Variants in PRDM14 observed in about 807,000 individuals in gnomAD.
The protein encoded by PRDM14 is PR domain zinc finger protein 14.
PRDM14 carries 16 observed loss-of-function variants against 48.0 expected under a neutral mutation model. That is an observed-to-expected ratio of 0.33 (90% CI 0.23 to 0.51). The LOEUF (loss-of-function observed/expected upper bound fraction) is 0.51. Ranked by LOEUF, PRDM14 falls within the 20% of genes least tolerant of loss-of-function variation. The pLI, the probability that PRDM14 is intolerant of heterozygous loss-of-function variation, is 0.97. For missense variants in PRDM14, 566 were observed against 719.6 expected, an observed-to-expected ratio of 0.79 and a Z score of 2.44; for synonymous variants, 264 against 276.6, an observed-to-expected ratio of 0.95 and a Z score of 0.45.
In PRDM14 at chr8:70,069,878, G is replaced by C. The variant is rs570957880; in HGVS notation, c.-18C>G. On this transcript the variant is annotated 5_prime_UTR_variant, in exon 2 of 8. Coordinates refer to ENST00000276594, the MANE Select transcript of PRDM14 (RefSeq NM_024504.4). ...AGAGCCATCCCGGGACCGCACGCTC[G>C]GCGGCTCTGCAGAAAAGCGGGCGCC... 36 of 1,552,310 alleles carry C rather than the reference G, an allele frequency of 2.3e-5. No individual in the cohort carries two copies. In the East Asian group the frequency reaches 6.0e-4, roughly 26 times the overall value.
At position 70,063,140 on chromosome 8, in the gene PRDM14, T is replaced by C. The variant is rs144081441; in HGVS notation, c.1183+3095A>G. Among the ~76,000 whole-genome samples, 848 of 151,976 alleles carry C rather than the reference T, an allele frequency of 5.6e-3. 5 individuals are homozygous for C. Among genetic ancestry groups the C allele is most frequent in the African/African-American group, 0.02 (814 of 41,434 alleles). Reference sequence around the variant, plus strand: ...TAATTTGATACATACGGTGAAAAAATTTCTCAAAAATGGCCGGCCATGGTG... The same window carrying C: ...TAATTTGATACATACGGTGAAAAAACTTCTCAAAAATGGCCGGCCATGGTG... On this transcript the variant is annotated intron_variant, in intron 5 of 7. Coordinates refer to ENST00000276594, the MANE Select transcript of PRDM14 (RefSeq NM_024504.4).
Position 70,069,530 on chromosome 8 carries a change from C to T in PRDM14, c.331G>A (p.Val111Met). Reference sequence around the variant, plus strand: ...TGGCTGCTGCTCAGGAAGGGCGGCACTTCCCTGGGGACGTGGGGAATTGGG... The same window carrying T: ...TGGCTGCTGCTCAGGAAGGGCGGCATTTCCCTGGGGACGTGGGGAATTGGG... ...WYPIPHVPRE[V>M]PPFLSSSHEY... Residue 111 changes from valine (V) to methionine (M), a missense_variant, in exon 2 of 8, where the codon GTG becomes ATG. Physicochemically the swap from Val to Met is conservative, Grantham distance 21 (BLOSUM62 1). Around this residue, in one of 3 missense-constraint regions of PRDM14, gnomAD observed 410 missense variants for 424.6 expected, o/e 0.97. Transcript: ENST00000276594. The T allele has an allele frequency of 6.2e-7, 1 of 1,606,538 alleles. No individual in the cohort carries two copies. Among genetic ancestry groups the T allele is most frequent in the South Asian group, 1.1e-5 (1 of 89,878 alleles).
rs751731521 is a variant in PRDM14 at position 70,067,531 on chromosome 8, C to CA, written c.912+698dup. On this transcript the variant is annotated intron_variant, in intron 4 of 7. Transcript: ENST00000276594. ...AAACTCCGTCTCAAGAAAAAAAAAA[C>CA]AAAAAAAAAAAAACAAAGAAAGATT... Among the ~76,000 whole-genome samples, 1,105 of 129,924 alleles carry CA rather than the reference C, an allele frequency of 8.5e-3. 4 individuals are homozygous for CA. Among genetic ancestry groups the CA allele is most frequent in the South Asian group, 0.03 (124 of 4,070 alleles). 85.2% of individuals were successfully genotyped at this position (129,924 alleles called of 152,430 possible).
chr8:70,063,085 A>G (rs1406353558), intron 5 of PRDM14, among the ~76,000 whole-genome samples: 1 of 152,182 alleles, frequency 6.6e-6, no homozygotes, highest in Non-Finnish European at 1.5e-5. Flanking sequence ...GAAGAGTATT[A>G]CTGAGACATC....
intron 5 of PRDM14, among the ~76,000 whole-genome samples, chr8:70,063,719 C>T (rs1204136389): frequency 6.6e-6 from 1 of 152,126 alleles, no homozygotes; most frequent in Non-Finnish European, 1.5e-5. Context: ...GACGGAGTTT[C>T]ACCATGTTGG....
chr8:70,054,337 G>A (rs1480278381), intron 7 of PRDM14, among the ~76,000 whole-genome samples: 1 of 152,092 alleles, frequency 6.6e-6, no homozygotes, highest in East Asian at 1.9e-4. Flanking sequence ...TGTTACAAGA[G>A]TTTTATATAC....
At chr8:70,053,098 TA>T (rs71275048) in intron 7 of PRDM14, among the ~76,000 whole-genome samples, 2,774 of 82,090 alleles carry the variant, frequency 0.034, 40 homozygotes, top group South Asian at 0.069. Flanking sequence ...ACCCTCTCTT[TA>T]AAAAAAAAAA....
rs1805389536 is a variant in PRDM14, at chr8:70,051,833, G to A, written c.*244C>T. 2.4e-6 allele frequency: 1 copy of A among 413,406 alleles called. No individual in the cohort carries two copies. Among genetic ancestry groups the A allele is most frequent in the Admixed American group, 3.7e-5 (1 of 26,748 alleles). The allele number at this position is 413,406 out of a possible 1,614,324, so 25.6% of individuals were successfully genotyped here. A position where few individuals can be genotyped will look rare whatever the true frequency, so the allele number is the denominator to read the frequency against. ...GTCACCCAGGTTGAAAAGCAGTGGG[G>A]CGATCTCAGCTCACAGCAACCTCCG... On this transcript the variant is annotated 3_prime_UTR_variant, in exon 8 of 8. Transcript: ENST00000276594.
intron 6 of PRDM14, among the ~76,000 whole-genome samples, chr8:70,057,432 C>A (rs1326969171): frequency 1.3e-5 from 2 of 151,554 alleles, no homozygotes; most frequent in Non-Finnish European, 2.9e-5. Flanking sequence ...GGGGTTGAAG[C>A]AATTCTCCTG....
intron 6 of PRDM14, among the ~76,000 whole-genome samples, chr8:70,057,243 G>A (rs1482361449): frequency 5.3e-5 from 8 of 152,010 alleles, no homozygotes; most frequent in East Asian, 1.9e-4. Context: ...GGGATTAGGC[G>A]TGAGCCACCA....
chr8:70,062,710 C>A (rs1414247093), intron 5 of PRDM14, among the ~76,000 whole-genome samples: 10 of 152,164 alleles, frequency 6.6e-5, no homozygotes, highest in Non-Finnish European at 1.5e-4. Flanking sequence ...AGGTGATCTG[C>A]CTGCCTCGGC....
At chr8:70,056,632 C>A (rs979725010) in intron 6 of PRDM14, among the ~76,000 whole-genome samples, 1 of 151,804 alleles carries the variant, frequency 6.6e-6, no homozygotes, top group Non-Finnish European at 1.5e-5. Context: ...CAGGTGCGCA[C>A]CACATGCCCA....
At chr8:70,066,016 G>C (rs892511601) in intron 5 of PRDM14, among the ~76,000 whole-genome samples, 57 of 152,150 alleles carry the variant, frequency 3.7e-4, no homozygotes, top group African/African-American at 1.3e-3. Flanking sequence ...TTTATAAATA[G>C]GAGTATATAT....
chr8:70,056,605 C>T (rs1805476074), intron 6 of PRDM14, among the ~76,000 whole-genome samples: 1 of 152,120 alleles, frequency 6.6e-6, no homozygotes. Flanking sequence ...TCTCAGCCTC[C>T]CGAGTGGCTG....
chr8:70,062,217 T>C (rs1314652434), intron 5 of PRDM14, among the ~76,000 whole-genome samples: 1 of 152,210 alleles, frequency 6.6e-6, no homozygotes, highest in Non-Finnish European at 1.5e-5. Flanking sequence ...CACAAGTATC[T>C]TATCTGCATG....
chr8:70,062,654 CG>C lies in PRDM14; in HGVS notation c.1183+3580del, dbSNP rs1214601579. On this transcript the variant is annotated intron_variant, in intron 5 of 7. Coordinates refer to ENST00000276594, the MANE Select transcript of PRDM14 (RefSeq NM_024504.4). ...AATTTGTTTGTATTTTTAGTAGAGA[CG>C]GGGTTCCACCATGTTTGTCATGCTG... 5.9e-5 allele frequency among the ~76,000 whole-genome samples: 9 copies of C among 152,164 alleles called. No individual in the cohort carries two copies. The East Asian group carries it at 1.5e-3, about 26-fold the overall frequency.
At chr8:70,056,454 G>C (rs1805473176) in intron 6 of PRDM14, among the ~76,000 whole-genome samples, 2 of 152,188 alleles carry the variant, frequency 1.3e-5, no homozygotes, top group South Asian at 2.1e-4. Context: ...GCAGAGGAGA[G>C]AGCAAATCTT....
At chr8:70,065,458 G>A (rs182886361) in intron 5 of PRDM14, among the ~76,000 whole-genome samples, 15 of 152,016 alleles carry the variant, frequency 9.9e-5, no homozygotes, top group Non-Finnish European at 1.3e-4. Context: ...TGGTTCCCTC[G>A]CCCCTTGCTA....
intron 7 of PRDM14, among the ~76,000 whole-genome samples, chr8:70,054,449 G>C (rs1805437937): frequency 6.6e-6 from 1 of 151,874 alleles, no homozygotes; most frequent in Non-Finnish European, 1.5e-5. Flanking sequence ...GGCACAGCTA[G>C]GTAAGCACCA....
Sources: allele counts gnomAD v4.1 joint callset (sites outside exome capture counted in the v4.1 genomes callset), GRCh38; gene constraint gnomAD v4.1.1; regional missense constraint gnomAD v4.1.1; transcripts MANE v1.5; gene names NCBI Gene and HGNC (gene_info 2026-07-23, HGNC 2026-07-21).